Variants in MYO1C observed in about 807,000 individuals in gnomAD.
MYO1C encodes myosin IC.
MYO1C carries 104 observed loss-of-function variants against 150.8 expected under a neutral mutation model. The observed-to-expected ratio is 0.69, with a 90% CI of 0.59 to 0.81. MYO1C has a LOEUF of 0.81. MYO1C is among the 30% of genes least tolerant of loss of function. The probability of loss-of-function intolerance (pLI) is 0.00; values close to 1 mark genes in which losing one functional copy is unlikely to be tolerated. For missense variants in MYO1C, 1,504 were observed against 1,435.0 expected, an observed-to-expected ratio of 1.05 and a Z score of -0.78; for synonymous variants, 663 against 579.9, an observed-to-expected ratio of 1.14 and a Z score of -2.06.
intron 22 of MYO1C, 26 bp from the exon 23 acceptor site, chr17:1,470,545 A>T (rs1253740416): frequency 6.4e-7 from 1 of 1,560,464 alleles, no homozygotes. Context: ...CAGATGGCTG[A>T]ACTCTATCTT....
chr17:1,467,339 A>G lies in MYO1C; in HGVS notation c.3068T>C (p.Ile1023Thr). 1 of 1,612,266 alleles carries G rather than the reference A, an allele frequency of 6.2e-7. No homozygotes were observed. Among genetic ancestry groups the G allele is most frequent in the Non-Finnish European group, 8.5e-7 (1 of 1,179,292 alleles). ...VNSININQGS[I>T]TFAGGPGRDG... ...CCTGCCGGGGCCCCCTGCAAACGTG[A>G]TGCTGGGGGAACGGGGTGGGTGAGG... The change falls in exon 31 of 32, where the codon ATC becomes ACC. Residue 1023 changes from isoleucine (I) to threonine (T), a missense_variant and splice_region_variant. Physicochemically the swap from Ile to Thr is moderately conservative, Grantham distance 89 (BLOSUM62 -1). Transcript: ENST00000648651.
intron 31 of MYO1C, 127 bp downstream of exon 31, chr17:1,467,115 T>G (rs2074188978): frequency 3.4e-6 from 3 of 888,314 alleles, no homozygotes; most frequent in East Asian, 2.7e-5. Flanking sequence ...GGCCAAGGGA[T>G]GGAAGAGGTG....
chr17:1,486,438 C>A (rs1354062122), intron 1 of MYO1C, among the ~76,000 whole-genome samples: 6 of 152,074 alleles, frequency 3.9e-5, no homozygotes, highest in Admixed American at 3.9e-4. Flanking sequence ...CCGCCCACGG[C>A]ATTTGGGGCC....
chr17:1,473,004 T>C (rs1211324344), intron 17 of MYO1C, among the ~76,000 whole-genome samples: 4 of 151,932 alleles, frequency 2.6e-5, no homozygotes, highest in South Asian at 2.1e-4. Flanking sequence ...AGTTTAAGAC[T>C]AGCCTGGCCA....
In MYO1C at chr17:1,472,185, A is replaced by T; in HGVS notation, c.1841T>A (p.Ile614Asn). The T allele has an allele frequency of 1.2e-6, 2 of 1,614,070 alleles. No homozygotes were observed. The highest frequency in any genetic ancestry group is 8.5e-7 in the Non-Finnish European group (1 of 1,179,994). Reference sequence around the variant, plus strand: ...GTAGGCGGGCTCCTTAGACTGCAGGATCTCCACCAGCTGCAGGAGGCTCAT... The same window carrying T: ...GTAGGCGGGCTCCTTAGACTGCAGGTTCTCCACCAGCTGCAGGAGGCTCAT... ...FKMSLLQLVE[I>N]LQSKEPAYVR... The change falls in exon 18 of 32, where the codon ATC becomes AAC. Residue 614 changes from isoleucine (I) to asparagine (N), a missense_variant. By Grantham distance (149) the Ile-to-Asn change is moderately radical. Transcript: ENST00000648651.
chr17:1,482,909 G>C lies in MYO1C; in HGVS notation c.498C>G (p.Arg166=). The change falls in exon 4 of 32, where the codon CGC becomes CGG. Residue 166 remains arginine (R), a synonymous_variant. Transcript: ENST00000648651. ...GCAGCCGGTCCCGCACGGCACCTCCGCGCTCGGGGGCTGGGCAGGTCTCTG... is the reference window on the plus strand; with the variant it reads ...GCAGCCGGTCCCGCACGGCACCTCCCCGCTCGGGGGCTGGGCAGGTCTCTG... ...FYAETCPAPE[R]GGAVRDRLLQ... 1 of 1,556,398 alleles carries C rather than the reference G, an allele frequency of 6.4e-7. No homozygotes were observed. The highest frequency in any genetic ancestry group is 8.7e-7 in the Non-Finnish European group (1 of 1,153,300).
chr17:1,489,337 A>G (rs1422317368), intron 1 of MYO1C, among the ~76,000 whole-genome samples: 2 of 152,170 alleles, frequency 1.3e-5, no homozygotes, highest in African/African-American at 4.8e-5. Context: ...ACAACCATGG[A>G]TCTTTGGCTG....
intron 17 of MYO1C, among the ~76,000 whole-genome samples, chr17:1,473,043 T>A (rs1028836910): frequency 6.6e-6 from 1 of 151,848 alleles, no homozygotes; most frequent in Admixed American, 6.6e-5. Flanking sequence ...TCTACAAAAA[T>A]AAAAAAATTA....
chr17:1,487,504 C>A (rs2074677947), intron 1 of MYO1C, among the ~76,000 whole-genome samples: 1 of 152,178 alleles, frequency 6.6e-6, no homozygotes, highest in Non-Finnish European at 1.5e-5. Flanking sequence ...CCCTGGGGAC[C>A]CCCGAGCGGG....
intron 25 of MYO1C, 157 bp from the exon 26 acceptor site, chr17:1,468,653 A>G: frequency 1.5e-6 from 1 of 655,108 alleles, no homozygotes; most frequent in East Asian, 2.7e-5. Flanking sequence ...CCACACGCCC[A>G]TCAACCCTCC....
Position 1,468,023 on chromosome 17 carries a change from T to TCC in MYO1C, c.2860_2861insGG (p.Lys954ArgfsTer12). On this transcript the variant is annotated frameshift_variant, in exon 28 of 32. Coordinates refer to ENST00000648651, the MANE Select transcript of MYO1C (RefSeq NM_001080779.2). LOFTEE classifies it high-confidence loss of function. ...GGCGTAATCAATCCTCTGCTTGACT[T>TCC]TGGCGTCCTCCACGATGACGACGGC... 6.2e-7 allele frequency: 1 copy of TCC among 1,612,724 alleles called. No homozygotes were observed. The highest frequency in any genetic ancestry group is 8.5e-7 in the Non-Finnish European group (1 of 1,179,770).
At chr17:1,480,011 T>C (rs1343757036) in intron 7 of MYO1C, among the ~76,000 whole-genome samples, 1 of 151,528 alleles carries the variant, frequency 6.6e-6, no homozygotes, top group African/African-American at 2.4e-5. Flanking sequence ...CCAGGTGTGG[T>C]GGCAGGTGTC....
chr17:1,487,828 C>T (rs914731910), intron 1 of MYO1C, among the ~76,000 whole-genome samples: 5 of 152,096 alleles, frequency 3.3e-5, no homozygotes, highest in African/African-American at 1.2e-4. Context: ...GGCTGAGGCA[C>T]GAGAATCGCT....
At chr17:1,465,787 G>A (rs997997762) in intron 31 of MYO1C, 35 bp from the exon 32 acceptor site, 3 of 1,312,968 alleles carry the variant, frequency 2.3e-6, no homozygotes, top group Non-Finnish European at 2.9e-6. Context: ...AAGTGGTGAG[G>A]GGAGCAGACG....
Position 1,492,397 on chromosome 17 carries a change from G to A in MYO1C, c.75+16C>T. ...ACGCTCCCACCCTCCTCCCAGCCCA[G>A]AGCATCCCAGCTTACAAGCTTGCAG... On this transcript the variant is annotated intron_variant, in intron 1 of 31. Transcript: ENST00000648651. The A allele has an allele frequency of 6.3e-7, 1 of 1,595,404 alleles. No individual in the cohort carries two copies. The highest frequency in any genetic ancestry group is 8.5e-7 in the Non-Finnish European group (1 of 1,171,260).
At chr17:1,489,521 T>C (rs1373224847) in intron 1 of MYO1C, among the ~76,000 whole-genome samples, 2 of 151,188 alleles carry the variant, frequency 1.3e-5, no homozygotes, top group Non-Finnish European at 2.9e-5. Flanking sequence ...TCCACTAAAA[T>C]TTTTTTAAAA....
chr17:1,468,642 C>T, intron 25 of MYO1C, 146 bp from the exon 26 acceptor site: 1 of 674,756 alleles, frequency 1.5e-6, no homozygotes, highest in Non-Finnish European at 2.6e-6. Context: ...AGCCCTGCCC[C>T]CCACACGCCC....
At position 1,474,666 on chromosome 17, in the gene MYO1C, T is replaced by C. The variant is rs750324893; in HGVS notation, c.1741A>G (p.Ile581Val). 1.2e-6 allele frequency: 2 copies of C among 1,613,982 alleles called. No individual in the cohort carries two copies. Among genetic ancestry groups the C allele is most frequent in the Non-Finnish European group, 1.7e-6 (2 of 1,179,936 alleles). Reference protein sequence around the residue: ...KETMCSSKNPIMSQCFDRSEL... With the variant: ...KETMCSSKNPVMSQCFDRSEL... ...CTCCGGTCAAAGCACTGGCTCATAA[T>C]GGGATTCTTTGAGCTACACATGGTC... The change falls in exon 17 of 32, where the codon ATT becomes GTT. Residue 581 changes from isoleucine (I) to valine (V), a missense_variant. Coordinates refer to ENST00000648651, the MANE Select transcript of MYO1C (RefSeq NM_001080779.2).
chr17:1,477,535 T>TCGATA lies in MYO1C; in HGVS notation c.1543_1544insTATCG (p.Asp515ValfsTer12), dbSNP rs1345692761. ...GAAGTGTGGATGGTGCTTGACAGTA[T>TCGATA]CCTCCAGCTTCTCCAGGAAGGTCAG... On this transcript the variant is annotated frameshift_variant, in exon 14 of 32. Transcript: ENST00000648651. LOFTEE classifies it high-confidence loss of function. The TCGATA allele has an allele frequency of 1.2e-6, 2 of 1,613,442 alleles. No individual in the cohort carries two copies. The highest frequency in any genetic ancestry group is 1.7e-6 in the Non-Finnish European group (2 of 1,180,002).
Sources: gnomAD v4.1 joint callset for allele counts (sites outside exome capture counted in the v4.1 genomes callset) on GRCh38, gnomAD v4.1.1 for gene constraint, MANE v1.5 for transcripts, NCBI Gene and HGNC (gene_info 2026-07-23, HGNC 2026-07-21) for gene names.